Variants in THBS2 observed in about 807,000 individuals in gnomAD.
THBS2 encodes the protein thrombospondin 2.
THBS2 carries 47 observed loss-of-function variants against 135.2 expected under a neutral mutation model. The ratio of observed to expected loss-of-function variants is 0.35; its 90% confidence interval spans 0.28 to 0.44. THBS2 has a LOEUF of 0.44. Ranked by LOEUF, THBS2 falls within the 20% of genes least tolerant of loss-of-function variation. The pLI, the probability that THBS2 is intolerant of heterozygous loss-of-function variation, is 1.00. For missense variants in THBS2, 1,288 were observed against 1,603.1 expected, an observed-to-expected ratio of 0.80 and a Z score of 3.36; for synonymous variants, 639 against 633.8, an observed-to-expected ratio of 1.01 and a Z score of -0.12.
At chr6:169,250,098 T>C (rs1489817188) in intron 2 of THBS2, among the ~76,000 whole-genome samples, 4 of 152,176 alleles carry the variant, frequency 2.6e-5, no homozygotes, top group Non-Finnish European at 5.9e-5. Flanking sequence ...ATCTAATATT[T>C]AGCAAATTAG....
At chr6:169,229,772 G>A in intron 13 of THBS2, 93 bp from the exon 14 acceptor site, 1 of 1,000,368 alleles carries the variant, frequency 1.0e-6, no homozygotes, top group Non-Finnish European at 1.5e-6. Flanking sequence ...TGGCGCCGAG[G>A]AAGGAAGCGT....
At chr6:169,235,942 C>G (rs1780028568) in intron 9 of THBS2, among the ~76,000 whole-genome samples, 1 of 125,408 alleles carries the variant, frequency 8.0e-6, no homozygotes. Flanking sequence ...TCAGTCCAAA[C>G]TCACTCCCCA....
intron 9 of THBS2, among the ~76,000 whole-genome samples, chr6:169,236,657 CACTCCCATCCACACTT>C (rs1780097579): frequency 6.9e-6 from 1 of 145,168 alleles, no homozygotes; most frequent in African/African-American, 2.6e-5. Context: ...CATCCACACT[CACTCCCATCCACACTT>C]ACTCCCCATC....
At chr6:169,220,418 G>A (rs1779381387) in intron 20 of THBS2, 81 bp from the exon 21 acceptor site, 1 of 1,517,288 alleles carries the variant, frequency 6.6e-7, no homozygotes, top group Non-Finnish European at 8.9e-7. Context: ...ATGGAAGGTT[G>A]GCTCCGGACA....
At chr6:169,226,581 C>T (rs567453766) in intron 15 of THBS2, among the ~76,000 whole-genome samples, 6 of 152,252 alleles carry the variant, frequency 3.9e-5, no homozygotes, top group South Asian at 2.1e-4. Flanking sequence ...AATGTGCTGT[C>T]GCCGTGTAAA....
At chr6:169,218,388 G>C (rs150000958) in intron 21 of THBS2, among the ~76,000 whole-genome samples, 1,641 of 143,030 alleles carry the variant, frequency 0.011, 15 homozygotes, top group Non-Finnish European at 0.019. Flanking sequence ...TGAGATAGGT[G>C]GGTTGGTGGA....
At chr6:169,233,059 C>G in intron 10 of THBS2, 42 bp from the exon 11 acceptor site, 1 of 1,476,916 alleles carries the variant, frequency 6.8e-7, no homozygotes, top group South Asian at 1.3e-5. Flanking sequence ...ACGCGCCCTG[C>G]GCAGCACAGA....
intron 15 of THBS2, among the ~76,000 whole-genome samples, 194 bp downstream of exon 15, chr6:169,227,928 A>G (rs750272321): frequency 1.3e-5 from 2 of 152,122 alleles, no homozygotes; most frequent in Non-Finnish European, 2.9e-5. Flanking sequence ...CTTAAAATAC[A>G]AAATTAGCTA....
Position 169,248,792 on chromosome 6 carries a change from C to T in THBS2, c.234G>A (p.Met78Ile). The change falls in exon 3 of 22, where the codon ATG (methionine) becomes ATA (isoleucine). Residue 78 changes from methionine to isoleucine, a missense_variant. By Grantham distance (10) the Met-to-Ile change is conservative. This residue lies in a region of THBS2 where 414 missense variants were observed against 447.0 expected (regional missense o/e 0.93). Transcript: ENST00000617924. ...ADDLSKITKI[M>I]RQKEGFFLTA... Reference sequence around the variant, plus strand: ...TGAGGAAGAAGCCCTCCTTCTGCCGCATGATCTTGGTGATCTTGCTGAGGT... The same window carrying T: ...TGAGGAAGAAGCCCTCCTTCTGCCGTATGATCTTGGTGATCTTGCTGAGGT... 2 of 1,611,640 alleles carry T rather than the reference C, an allele frequency of 1.2e-6. No homozygotes were observed. Among genetic ancestry groups the T allele is most frequent in the Non-Finnish European group, 1.7e-6 (2 of 1,180,002 alleles).
chr6:169,242,947 C>T (rs1583418861), intron 4 of THBS2, among the ~76,000 whole-genome samples: 3 of 126,896 alleles, frequency 2.4e-5, no homozygotes, highest in South Asian at 2.9e-4. Flanking sequence ...CACCTTCCCA[C>T]CTTCCCACCT....
In THBS2 at chr6:169,252,119, G is replaced by C. The variant is rs372704544; in HGVS notation, c.-22-1313C>G. 7 of 152,176 alleles carry C rather than the reference G, an allele frequency of 4.6e-5. No individual in the cohort carries two copies. Among genetic ancestry groups the C allele is most frequent in the Non-Finnish European group, 8.8e-5 (6 of 68,046 alleles). 9.4% of individuals were successfully genotyped at this position (152,176 alleles called of 1,614,324 possible). On this transcript the variant is annotated intron_variant, in intron 1 of 21. Coordinates refer to ENST00000617924, the MANE Select transcript of THBS2 (RefSeq NM_003247.5). This position sits in a 1 kb window ranked among gnomAD's most constrained non-coding sequence, Gnocchi z 4.3. Reference sequence around the variant, plus strand: ...TCACCAGGGGCTGACTTAGCCCAGCGAGCCACAGGCATGGGTTACCGGAGC... The same window carrying C: ...TCACCAGGGGCTGACTTAGCCCAGCCAGCCACAGGCATGGGTTACCGGAGC...
At chr6:169,237,391 G>A in intron 8 of THBS2, 45 bp from the exon 9 acceptor site, 2 of 1,608,006 alleles carry the variant, frequency 1.2e-6, no homozygotes, top group Non-Finnish European at 8.5e-7. Flanking sequence ...CGCCTAGAGG[G>A]GTATTTGCCT....
At chr6:169,249,095 C>T in intron 2 of THBS2, 122 bp from the exon 3 acceptor site, 1 of 921,932 alleles carries the variant, frequency 1.1e-6, no homozygotes, top group Non-Finnish European at 1.6e-6. Flanking sequence ...CAATATCCCG[C>T]AGCTTCTCTC....
intron 4 of THBS2, among the ~76,000 whole-genome samples, chr6:169,245,791 C>CAAAAAAA (rs77953553): frequency 1.2e-5 from 1 of 84,944 alleles, no homozygotes; most frequent in Non-Finnish European, 2.3e-5. Context: ...GACTCTGGCT[C>CAAAAAAA]AAAAAAAAAA....
In THBS2 at chr6:169,248,971, C is replaced by G; in HGVS notation, c.55G>C (p.Gly19Arg). 2.5e-6 allele frequency: 4 copies of G among 1,597,942 alleles called. No homozygotes were observed. Among genetic ancestry groups the G allele is most frequent in the Non-Finnish European group, 3.4e-6 (4 of 1,169,612 alleles). Residue 19 changes from glycine (G) to arginine (R), a missense_variant and splice_region_variant, in exon 3 of 22, where the codon GGT becomes CGT. Physicochemically the swap from Gly to Arg is moderately radical, Grantham distance 125. Around this residue, in one of 2 missense-constraint regions of THBS2, gnomAD observed 414 missense variants for 447.0 expected, o/e 0.93. Coordinates refer to ENST00000617924, the MANE Select transcript of THBS2 (RefSeq NM_003247.5). Reference protein sequence around the residue: ...ALWVWPSTQAGHQDKDTTFDL... With the variant: ...ALWVWPSTQARHQDKDTTFDL... Reference sequence around the variant, plus strand: ...AAGGTCGTGTCTTTGTCCTGGTGACCAGCTGCAAAGGGAACCGCAGTGGAG... The same window carrying G: ...AAGGTCGTGTCTTTGTCCTGGTGACGAGCTGCAAAGGGAACCGCAGTGGAG...
chr6:169,248,777 G>A lies in THBS2; in HGVS notation c.249C>T (p.Gly83=). 1 of 1,612,188 alleles carries A rather than the reference G, an allele frequency of 6.2e-7. No individual in the cohort carries two copies. Among genetic ancestry groups the A allele is most frequent in the East Asian group, 2.2e-5 (1 of 44,796 alleles). The change falls in exon 3 of 22, where the codon GGC becomes GGT. Residue 83 remains glycine (G), a synonymous_variant. Coordinates refer to ENST00000617924, the MANE Select transcript of THBS2 (RefSeq NM_003247.5). ...GCTTGAGCTGGGCCGTGAGGAAGAA[G>A]CCCTCCTTCTGCCGCATGATCTTGG... ...KITKIMRQKE[G]FFLTAQLKQD... is the part of the protein sequence containing the mutation.
intron 21 of THBS2, among the ~76,000 whole-genome samples, chr6:169,218,972 GTGGGTGGA>G (rs1212588197): frequency 1.9e-4 from 29 of 148,776 alleles, no homozygotes; most frequent in African/African-American, 6.5e-4. Flanking sequence ...GGATGAGTAG[GTGGGTGGA>G]TGAGTGGATG....
chr6:169,228,371 G>A, intron 14 of THBS2, 90 bp from the exon 15 acceptor site: 1 of 1,455,534 alleles, frequency 6.9e-7, no homozygotes, highest in Non-Finnish European at 9.3e-7. Context: ...ACTCAAGGTT[G>A]ATGAAAATCA....
In THBS2 at chr6:169,241,714, G is replaced by C; in HGVS notation, c.891+48C>G. 1 of 1,539,280 alleles carries C rather than the reference G, an allele frequency of 6.5e-7. No individual in the cohort carries two copies. The highest frequency in any genetic ancestry group is 8.8e-7 in the Non-Finnish European group (1 of 1,131,172). On this transcript the variant is annotated intron_variant, in intron 5 of 21. Coordinates refer to ENST00000617924, the MANE Select transcript of THBS2 (RefSeq NM_003247.5). This position sits in a 1 kb window ranked among gnomAD's most constrained non-coding sequence, Gnocchi z 5.5. Reference sequence around the variant, plus strand: ...TACCTGCTGAGATGGGCCAGCGGCGGAGCTGCCCATGCCCTATGACCCCCG... The same window carrying C: ...TACCTGCTGAGATGGGCCAGCGGCGCAGCTGCCCATGCCCTATGACCCCCG...
Sources: allele counts gnomAD v4.1 joint callset (sites outside exome capture counted in the v4.1 genomes callset), GRCh38; gene constraint gnomAD v4.1.1; regional missense constraint gnomAD v4.1.1; non-coding constraint Gnocchi (gnomAD v3.1); transcripts MANE v1.5; gene names NCBI Gene and HGNC (gene_info 2026-07-23, HGNC 2026-07-21).